The following LIF variants were observed in gnomAD, a reference collection of about 807,000 sequenced individuals.
LIF encodes the protein LIF interleukin 6 family cytokine.
LIF carries 9 observed loss-of-function variants against 15.0 expected under a neutral mutation model. The ratio of observed to expected loss-of-function variants is 0.60; its 90% CI spans 0.36 to 1.04. The LOEUF is 1.04. Among genes scored for constraint, LIF ranks in the 50% least tolerant of loss-of-function variants. The pLI, the probability that LIF is intolerant of heterozygous loss-of-function variation, is 0.01. For missense variants in LIF, 240 were observed against 266.7 expected (o/e 0.90, Z 0.70); for synonymous variants, 122 against 119.7 (o/e 1.02, Z -0.13).
rs1437037688 is a variant in LIF at position 30,244,948 on chromosome 22, G to A, written c.20-15C>T. Reference sequence around the variant, plus strand: ...GGGCACAACTCCTGGGGACAGTCAGGAAGAAGCCATGAGTAGAAAGGCAGG... The same window carrying A: ...GGGCACAACTCCTGGGGACAGTCAGAAAGAAGCCATGAGTAGAAAGGCAGG... On this transcript the variant is annotated splice_polypyrimidine_tract_variant and intron_variant, in intron 1 of 2. Coordinates refer to ENST00000249075, the MANE Select transcript of LIF (RefSeq NM_002309.5). 5.6e-6 allele frequency: 9 copies of A among 1,613,682 alleles called. No homozygotes were observed. Among genetic ancestry groups the A allele is most frequent in the South Asian group, 1.1e-5 (1 of 91,034 alleles).
chr22:30,246,316 G>T, intron 1 of LIF: 1 of 393,842 alleles, frequency 2.5e-6, no homozygotes, highest in Non-Finnish European at 3.7e-6. Context: ...CGGAAAGAAA[G>T]AAAGAAAAGA....
rs867973746 is a variant in LIF, at chr22:30,243,574, C to A, written c.*77G>T. On this transcript the variant is annotated 3_prime_UTR_variant, in exon 3 of 3. Coordinates refer to ENST00000249075, the MANE Select transcript of LIF (RefSeq NM_002309.5). This position sits in a 1 kb window ranked among gnomAD's most constrained non-coding sequence, Gnocchi z 6.0. ...GGTTTAGCGATGCCCTGGGCCCCAG[C>A]CACCCTTGGACAGGCCCCCACATCT... 48 of 1,592,344 alleles carry A rather than the reference C, an allele frequency of 3.0e-5. No homozygotes were observed. In the Middle Eastern group the frequency reaches 1.3e-3, roughly 44 times the overall value.
At position 30,243,519 on chromosome 22, in the gene LIF, C is replaced by G; in HGVS notation, c.*132G>C. ...CAGAGTGGAGTGGACTGGCCAGGCA[C>G]CCTCGGGGTCTGCCAGCAGCCCCCA... On this transcript the variant is annotated 3_prime_UTR_variant, in exon 3 of 3. Transcript: ENST00000249075. This position sits in a 1 kb window ranked among gnomAD's most constrained non-coding sequence, Gnocchi z 6.0. 1 of 1,123,752 alleles carries G rather than the reference C, an allele frequency of 8.9e-7. No homozygotes were observed. The highest frequency in any genetic ancestry group is 1.3e-5 in the South Asian group (1 of 77,512). 69.6% of individuals were successfully genotyped at this position (1,123,752 alleles called of 1,614,324 possible).
In LIF at chr22:30,243,671, C is replaced by T. The variant is rs766405930; in HGVS notation, c.589G>A (p.Val197Met). 17 of 1,614,130 alleles carry T rather than the reference C, an allele frequency of 1.1e-5. No individual in the cohort carries two copies. Among genetic ancestry groups the T allele is most frequent in the South Asian group, 5.5e-5 (5 of 91,092 alleles). Reference protein sequence around the residue: ...LLGKYKQIIAVLAQAF With the variant: ...LLGKYKQIIAMLAQAF ...TCCTGCTAGAAGGCCTGGGCCAACA[C>T]GGCGATGATCTGCTTATACTTCCCC... The change falls in exon 3 of 3, where the codon GTG becomes ATG. Residue 197 changes from valine (V) to methionine (M), a missense_variant. By Grantham distance (21) the Val-to-Met change is conservative. Coordinates refer to ENST00000249075, the MANE Select transcript of LIF (RefSeq NM_002309.5). The surrounding 1 kb of genome is among the most constrained non-coding windows in gnomAD (Gnocchi z 6.0).
Position 30,244,065 on chromosome 22 carries a change from AGG to A in LIF, c.199-6_199-5del. The A allele has an allele frequency of 6.3e-7, 1 of 1,595,064 alleles. No individual in the cohort carries two copies. The highest frequency in any genetic ancestry group is 8.5e-7 in the Non-Finnish European group (1 of 1,171,088). On this transcript the variant is annotated splice_region_variant and splice_polypyrimidine_tract_variant and intron_variant, in intron 2 of 2. Transcript: ENST00000249075. ...ACGGCTCCCCCTGGGCTGTGTACTG[AGG>A]GGCAGAAGGGAGGTGACGTGGGAGT...
chr22:30,243,868 A>G lies in LIF; in HGVS notation c.392T>C (p.Leu131Pro). Residue 131 changes from leucine to proline, a missense_variant, in exon 3 of 3, where the codon CTC (leucine) becomes CCC (proline). By Grantham distance (98) the Leu-to-Pro change is moderately conservative (BLOSUM62 -3). Coordinates refer to ENST00000249075, the MANE Select transcript of LIF (RefSeq NM_002309.5). The surrounding 1 kb of genome is among the most constrained non-coding windows in gnomAD (Gnocchi z 6.0). The part of the protein sequence containing the change: ...RDQKILNPSA[L>P]SLHSKLNATA... ...GGCGTTGAGCTTGCTGTGGAGGCTG[A>G]GGGCACTGGGGTTGAGGATCTTCTG... 1 of 1,614,200 alleles carries G rather than the reference A, an allele frequency of 6.2e-7. No homozygotes were observed. Among genetic ancestry groups the G allele is most frequent in the Non-Finnish European group, 8.5e-7 (1 of 1,180,040 alleles).
chr22:30,241,021 C>G lies in LIF; in HGVS notation c.*2630G>C, dbSNP rs1928647270. ...TTGGTAAACTCTCTCTTCCTCCGGC[C>G]AGGCCCAGGTGTGGTCCACACCAGC... On this transcript the variant is annotated 3_prime_UTR_variant, in exon 3 of 3. Transcript: ENST00000249075. The surrounding 1 kb of genome is among the most constrained non-coding windows in gnomAD (Gnocchi z 4.4). The G allele has an allele frequency of 6.6e-6, 1 of 152,252 alleles. No homozygotes were observed. The highest frequency in any genetic ancestry group is 6.5e-5 in the Admixed American group (1 of 15,292). The allele number at this position is 152,252 out of a possible 1,614,324, so 9.4% of individuals were successfully genotyped here. A position where few individuals can be genotyped will look rare whatever the true frequency, so the allele number is the denominator to read the frequency against.
At position 30,243,887 on chromosome 22, in the gene LIF, T is replaced by A; in HGVS notation, c.373A>T (p.Ile125Phe). The A allele has an allele frequency of 1.9e-6, 3 of 1,614,214 alleles. No homozygotes were observed. The highest frequency in any genetic ancestry group is 2.5e-6 in the Non-Finnish European group (3 of 1,180,038). ...SLGNITRDQK[I>F]LNPSALSLHS... ...AGGCTGAGGGCACTGGGGTTGAGGA[T>A]CTTCTGGTCCCGGGTGATGTTGCCC... Residue 125 changes from isoleucine (I) to phenylalanine (F), a missense_variant, in exon 3 of 3, where the codon ATC becomes TTC. Ile to Phe is a conservative substitution (Grantham distance 21). Transcript: ENST00000249075. The surrounding 1 kb of genome is among the most constrained non-coding windows in gnomAD (Gnocchi z 6.0).
At chr22:30,245,538 C>T (rs971391059) in intron 1 of LIF, among the ~76,000 whole-genome samples, 18 of 152,040 alleles carry the variant, frequency 1.2e-4, no homozygotes, top group Non-Finnish European at 2.4e-4. Flanking sequence ...CCCAATTCTG[C>T]CCCCGCCCCC....
At chr22:30,246,490 G>A (rs773968240) in intron 1 of LIF, 187 bp downstream of exon 1, 1 of 1,234,416 alleles carries the variant, frequency 8.1e-7, no homozygotes, top group Non-Finnish European at 1.0e-6. Context: ...CGGGGCGTGC[G>A]GTGCTTGGGA....
Position 30,243,806 on chromosome 22 carries a change from G to T in LIF, c.454C>A (p.Leu152Met). Residue 152 changes from leucine (L) to methionine (M), a missense_variant, in exon 3 of 3, where the codon CTG (leucine) becomes ATG (methionine). Leu to Met is a conservative substitution (Grantham distance 15). Transcript: ENST00000249075. This position sits in a 1 kb window ranked among gnomAD's most constrained non-coding sequence, Gnocchi z 6.0. ...DILRGLLSNV[L>M]CRLCSKYHVG... ...TGGTACTTGCTGCACAGGCGGCACAGCACGTTGCTAAGGAGGCCTCGCAGG... is the reference window on the plus strand; with the variant it reads ...TGGTACTTGCTGCACAGGCGGCACATCACGTTGCTAAGGAGGCCTCGCAGG... 1 of 1,614,260 alleles carries T rather than the reference G, an allele frequency of 6.2e-7. No homozygotes were observed. Among genetic ancestry groups the T allele is most frequent in the East Asian group, 2.2e-5 (1 of 44,892 alleles).
Position 30,243,145 on chromosome 22 carries a change from T to C in LIF, c.*506A>G, listed in dbSNP as rs1928735600. 1 of 174,624 alleles carries C rather than the reference T, an allele frequency of 5.7e-6. No individual in the cohort carries two copies. Among genetic ancestry groups the C allele is most frequent in the Admixed American group, 5.4e-5 (1 of 18,570 alleles). 10.8% of individuals were successfully genotyped at this position (174,624 alleles called of 1,614,324 possible). ...GCCTTCCATCCCAGAGGCCCCTCTCTATCTTCCACTCATCAAACTTCTAGG... is the reference window on the plus strand; with the variant it reads ...GCCTTCCATCCCAGAGGCCCCTCTCCATCTTCCACTCATCAAACTTCTAGG... On this transcript the variant is annotated 3_prime_UTR_variant, in exon 3 of 3. Transcript: ENST00000249075. The surrounding 1 kb of genome is among the most constrained non-coding windows in gnomAD (Gnocchi z 6.0).
rs2123832255 is a variant in LIF, at chr22:30,243,473, C to T, written c.*178G>A. 4.3e-6 allele frequency: 3 copies of T among 705,766 alleles called. No individual in the cohort carries two copies. Among genetic ancestry groups the T allele is most frequent in the Middle Eastern group, 3.8e-4 (1 of 2,626 alleles). The allele number at this position is 705,766 out of a possible 1,614,324, so 43.7% of individuals were successfully genotyped here. On this transcript the variant is annotated 3_prime_UTR_variant, in exon 3 of 3. Coordinates refer to ENST00000249075, the MANE Select transcript of LIF (RefSeq NM_002309.5). This position sits in a 1 kb window ranked among gnomAD's most constrained non-coding sequence, Gnocchi z 6.0. ...TCCCTATGGAAGTTTCCACTCTGCT[C>T]AGCTTCATCACAGCCCAGCCCAGAG...
In LIF at chr22:30,241,348, C is replaced by G. The variant is rs1048567727; in HGVS notation, c.*2303G>C. ...CTGGTTTCCAGACAAGTTTGTCTTT[C>G]TCGAAGCCCATCCTGGGGGAATGCA... On this transcript the variant is annotated 3_prime_UTR_variant, in exon 3 of 3. Transcript: ENST00000249075. The surrounding 1 kb of genome is among the most constrained non-coding windows in gnomAD (Gnocchi z 4.4). The G allele has an allele frequency of 6.6e-6, 1 of 152,458 alleles. No homozygotes were observed. The highest frequency in any genetic ancestry group is 2.4e-5 in the African/African-American group (1 of 41,454). The allele number at this position is 152,458 out of a possible 1,614,324, so 9.4% of individuals were successfully genotyped here.
chr22:30,243,285 C>T lies in LIF; in HGVS notation c.*366G>A, dbSNP rs116745770. 3.8e-3 allele frequency: 1,431 copies of T among 374,220 alleles called. 18 individuals are homozygous for T. Among genetic ancestry groups the T allele is most frequent in the African/African-American group, 0.027 (1,286 of 48,112 alleles). The allele number at this position is 374,220 out of a possible 1,614,324, so 23.2% of individuals were successfully genotyped here. On this transcript the variant is annotated 3_prime_UTR_variant, in exon 3 of 3. Transcript: ENST00000249075. This position sits in a 1 kb window ranked among gnomAD's most constrained non-coding sequence, Gnocchi z 6.0. ...TGGGGGCTGGTCCACTCCCCTGGGCCCTGCTGTCTCACCCTGTGGTCAGGG... is the reference window on the plus strand; with the variant it reads ...TGGGGGCTGGTCCACTCCCCTGGGCTCTGCTGTCTCACCCTGTGGTCAGGG...
chr22:30,245,204 C>T (rs973135454), intron 1 of LIF, among the ~76,000 whole-genome samples: 1 of 152,218 alleles, frequency 6.6e-6, no homozygotes, highest in Non-Finnish European at 1.5e-5. Flanking sequence ...CCAAAGGGTG[C>T]AGGGTCCAGG....
chr22:30,244,756 T>C lies in LIF; in HGVS notation c.197A>G (p.Tyr66Cys), dbSNP rs1388347344. The change falls in exon 2 of 3, where the codon TAT becomes TGT. Residue 66 changes from tyrosine (Y) to cysteine (C), a missense_variant and splice_region_variant. Coordinates refer to ENST00000249075, the MANE Select transcript of LIF (RefSeq NM_002309.5). The stretch of plus-strand genomic sequence containing the variant: ...GTCAGTATCCCAGGGGTAACTTACA[T>C]AGAGAATAAAGAGGGCATTGGCACT... ...NGSANALFIL[Y>C]YTAQGEPFPN... The C allele has an allele frequency of 6.2e-7, 1 of 1,613,612 alleles. No homozygotes were observed. Among genetic ancestry groups the C allele is most frequent in the Non-Finnish European group, 8.5e-7 (1 of 1,179,556 alleles).
chr22:30,244,656 G>T, intron 2 of LIF, 99 bp downstream of exon 2: 2 of 1,142,840 alleles, frequency 1.8e-6, no homozygotes, highest in Non-Finnish European at 2.6e-6. Flanking sequence ...TCTCCTTCCA[G>T]CCCCAAAAGG....
In LIF at chr22:30,243,706, C is replaced by G; in HGVS notation, c.554G>C (p.Cys185Ser). 6.2e-7 allele frequency: 1 copy of G among 1,614,278 alleles called. No homozygotes were observed. The highest frequency in any genetic ancestry group is 8.5e-7 in the Non-Finnish European group (1 of 1,180,040). Residue 185 changes from cysteine (C) to serine (S), a missense_variant, in exon 3 of 3, where the codon TGT (cysteine) becomes TCT (serine). Transcript: ENST00000249075. This position sits in a 1 kb window ranked among gnomAD's most constrained non-coding sequence, Gnocchi z 6.0. Reference protein sequence around the residue: ...KDVFQKKKLGCQLLGKYKQII... With the variant: ...KDVFQKKKLGSQLLGKYKQII... ...CTGCTTATACTTCCCCAGGAGTTGA[C>G]AGCCCAGCTTCTTCTTCTGGAAGAC...
Sources: gnomAD v4.1 joint callset for allele counts (sites outside exome capture counted in the v4.1 genomes callset) on GRCh38, gnomAD v4.1.1 for gene constraint, Gnocchi (gnomAD v3.1) non-coding constraint, MANE v1.5 for transcripts, NCBI Gene and HGNC (gene_info 2026-07-23, HGNC 2026-07-21) for gene names.